Variants in SYT9 observed in about 807,000 individuals in gnomAD.
SYT9 encodes the protein synaptotagmin 9, also known as synaptotagmin-9.
In SYT9, 22 loss-of-function variants were observed where a neutral mutation model predicts 48.4. The ratio of observed to expected loss-of-function variants is 0.45; its 90% CI spans 0.32 to 0.65. The LOEUF (loss-of-function observed/expected upper bound fraction) is 0.65, where lower values mean the gene tolerates loss of function less well. Among genes scored for constraint, SYT9 ranks in the 30% least tolerant of loss-of-function variants. SYT9 has a pLI of 0.03. For synonymous variants in SYT9, 265 were observed against 245.0 expected (o/e 1.08, Z -0.76); for missense variants, 577 against 622.0 (o/e 0.93, Z 0.77).
intron 6 of SYT9, among the ~76,000 whole-genome samples, chr11:7,463,303 A>C (rs7116778): frequency 0.27 from 41,539 of 152,126 alleles, 6,716 homozygotes; most frequent in African/African-American, 0.45. Context: ...CTTCCTCTCA[A>C]CAAAATCCCA....
In SYT9 at chr11:7,420,521, G is replaced by A. The variant is rs1382948787; in HGVS notation, c.1353G>A (p.Glu451=). 3 of 1,613,898 alleles carry A rather than the reference G, an allele frequency of 1.9e-6. No individual in the cohort carries two copies. The highest frequency in any genetic ancestry group is 2.5e-6 in the Non-Finnish European group (3 of 1,179,994). ...ATTTTCACAGTGTAGGTCACAATGA[G>A]ATCATCGGCGTGTGTCAAGTAGGCA... ...VMDYDRVGHN[E]IIGVCQVGNE... The change falls in exon 6 of 7, where the codon GAG becomes GAA. Residue 451 remains glutamate (E), a synonymous_variant. Transcript: ENST00000318881.
intron 3 of SYT9, among the ~76,000 whole-genome samples, chr11:7,334,629 C>A (rs946980943): frequency 7.9e-5 from 12 of 152,196 alleles, no homozygotes; most frequent in African/African-American, 2.9e-4. Flanking sequence ...CCTCTCCTGC[C>A]TCCACTCCCT....
intron 3 of SYT9, among the ~76,000 whole-genome samples, chr11:7,404,634 T>A (rs1846966333): frequency 6.6e-6 from 1 of 152,180 alleles, no homozygotes; most frequent in Admixed American, 6.5e-5. Flanking sequence ...TAAACATTTA[T>A]GCATCTCAAT....
chr11:7,401,113 C>A (rs1162944781), intron 3 of SYT9, among the ~76,000 whole-genome samples: 1 of 151,900 alleles, frequency 6.6e-6, no homozygotes, highest in African/African-American at 2.4e-5. Flanking sequence ...ACAGATTTTC[C>A]ACAGGAATAT....
chr11:7,324,942 T>C (rs1028168059), intron 3 of SYT9, among the ~76,000 whole-genome samples: 1 of 152,136 alleles, frequency 6.6e-6, no homozygotes, highest in Non-Finnish European at 1.5e-5. Flanking sequence ...ACTATGATGG[T>C]GGATTTTCAA....
In SYT9 at chr11:7,251,960, G is replaced by C. The variant is rs903388960; in HGVS notation, c.-227G>C. 3 of 438,662 alleles carry C rather than the reference G, an allele frequency of 6.8e-6. No individual in the cohort carries two copies. Among genetic ancestry groups the C allele is most frequent in the Non-Finnish European group, 7.9e-6 (2 of 251,590 alleles). 27.2% of individuals were successfully genotyped at this position (438,662 alleles called of 1,614,324 possible). On this transcript the variant is annotated 5_prime_UTR_variant, in exon 1 of 7. Transcript: ENST00000318881. ...GTGTCTGGGGAGGGACGGAGGGACCGGGCGGGAGAGAGAGAAAGCCTGACC... is the reference window on the plus strand; with the variant it reads ...GTGTCTGGGGAGGGACGGAGGGACCCGGCGGGAGAGAGAGAAAGCCTGACC...
intron 3 of SYT9, among the ~76,000 whole-genome samples, chr11:7,414,395 G>A (rs1847198955): frequency 6.6e-6 from 1 of 152,258 alleles, no homozygotes; most frequent in East Asian, 1.9e-4. Context: ...AGGGTGATGT[G>A]TGGGGACAGC....
chr11:7,375,389 T>C (rs1320343196), intron 3 of SYT9, among the ~76,000 whole-genome samples: 2 of 152,176 alleles, frequency 1.3e-5, no homozygotes, highest in African/African-American at 4.8e-5. Context: ...AGGATTGTCT[T>C]GGCTATATGG....
At chr11:7,297,607 C>T (rs192739961) in intron 1 of SYT9, among the ~76,000 whole-genome samples, 6 of 152,332 alleles carry the variant, frequency 3.9e-5, no homozygotes, top group Admixed American at 1.3e-4. Flanking sequence ...TTGCTCAGCT[C>T]GCATGCTGGG....
intron 3 of SYT9, among the ~76,000 whole-genome samples, chr11:7,410,472 GTCTC>G (rs1204898970): frequency 6.6e-6 from 1 of 152,150 alleles, no homozygotes; most frequent in Non-Finnish European, 1.5e-5. Context: ...ATGGGAGTCT[GTCTC>G]TCTCTTTAGC....
At chr11:7,268,902 G>A (rs962598055) in intron 1 of SYT9, among the ~76,000 whole-genome samples, 1 of 151,958 alleles carries the variant, frequency 6.6e-6, no homozygotes, top group African/African-American at 2.4e-5. Flanking sequence ...CCCTGCCTCA[G>A]GAGACTACTA....
intron 3 of SYT9, among the ~76,000 whole-genome samples, chr11:7,342,155 A>G (rs1200827103): frequency 6.6e-6 from 1 of 152,172 alleles, no homozygotes; most frequent in African/African-American, 2.4e-5. Context: ...GCCAAATCAT[A>G]TCATTCCACC....
intron 3 of SYT9, among the ~76,000 whole-genome samples, chr11:7,378,332 C>G (rs1375121054): frequency 6.6e-6 from 1 of 151,926 alleles, no homozygotes; most frequent in Non-Finnish European, 1.5e-5. Context: ...TGGAATTTAA[C>G]CTAAGAGCAC....
chr11:7,403,328 G>A (rs984248197), intron 3 of SYT9, among the ~76,000 whole-genome samples: 1 of 152,136 alleles, frequency 6.6e-6, no homozygotes, highest in Non-Finnish European at 1.5e-5. Flanking sequence ...GGGAGGCTGA[G>A]GTATTGAGCT....
At chr11:7,434,220 A>G (rs1847660805) in intron 6 of SYT9, among the ~76,000 whole-genome samples, 1 of 152,220 alleles carries the variant, frequency 6.6e-6, no homozygotes, top group Non-Finnish European at 1.5e-5. Context: ...GCTTGCAGTA[A>G]TAAGAGAAAT....
Position 7,313,865 on chromosome 11 carries a change from TG to T in SYT9, c.970del (p.Val324TrpfsTer5). 2 of 1,614,144 alleles carry T rather than the reference TG, an allele frequency of 1.2e-6. No individual in the cohort carries two copies. Among genetic ancestry groups the T allele is most frequent in the African/African-American group, 2.7e-5 (2 of 75,046 alleles). On this transcript the variant is annotated frameshift_variant, in exon 3 of 7. Transcript: ENST00000318881. LOFTEE classifies it high-confidence loss of function. ...FSRHDLIGQV[V>X]VDHFLDLADF... Reference sequence around the variant, plus strand: ...CGTCATGACTTAATCGGCCAAGTGGTGGTGGATCACTTCCTAGACTTGGCTG... The same window carrying T: ...CGTCATGACTTAATCGGCCAAGTGGTGTGGATCACTTCCTAGACTTGGCTG...
At chr11:7,330,283 G>GA (rs1026042688) in intron 3 of SYT9, among the ~76,000 whole-genome samples, 4 of 152,122 alleles carry the variant, frequency 2.6e-5, no homozygotes, top group Admixed American at 2.0e-4. Context: ...AATGCTAAGT[G>GA]AAAAAAAGCA....
intron 1 of SYT9, among the ~76,000 whole-genome samples, chr11:7,268,802 A>AC (rs1426561397): frequency 1.3e-5 from 2 of 152,042 alleles, no homozygotes; most frequent in Non-Finnish European, 2.9e-5. Flanking sequence ...TTTTTAGTAA[A>AC]TGTATGAAGT....
At chr11:7,316,064 TGG>T (rs11324310) in intron 3 of SYT9, among the ~76,000 whole-genome samples, 1 of 149,764 alleles carries the variant, frequency 6.7e-6, no homozygotes, top group Non-Finnish European at 1.5e-5. Flanking sequence ...TTTGGGGTTG[TGG>T]GGTTTTTTTT....
Sources: gnomAD v4.1 joint callset for allele counts (sites outside exome capture counted in the v4.1 genomes callset) on GRCh38, gnomAD v4.1.1 for gene constraint, MANE v1.5 for transcripts, NCBI Gene and HGNC (gene_info 2026-07-23, HGNC 2026-07-21) for gene names.